DSCAM: variants seen among roughly 807,000 people sequenced by gnomAD.
The protein encoded by DSCAM is cell adhesion molecule DSCAM.
DSCAM carries 47 observed loss-of-function variants against 217.7 expected under a neutral mutation model. The ratio of observed to expected loss-of-function variants is 0.22; its 90% CI spans 0.17 to 0.28. DSCAM has a LOEUF of 0.28. Among genes scored for constraint, DSCAM ranks in the 10% least tolerant of loss-of-function variants. The pLI is 1.00. For synonymous variants in DSCAM, 1,056 were observed against 1,015.3 expected (o/e 1.04, Z -0.76); for missense variants, 2,080 against 2,618.3 (o/e 0.79, Z 4.49).
chr21:40,138,321 A>G (rs1229363487), intron 18 of DSCAM, among the ~76,000 whole-genome samples: 5 of 135,134 alleles, frequency 3.7e-5, no homozygotes, highest in Admixed American at 3.0e-4. Flanking sequence ...TGTATGGTGT[A>G]TGTGTGTGCT....
chr21:40,207,972 C>G (rs2091144374), intron 11 of DSCAM, among the ~76,000 whole-genome samples: 1 of 152,176 alleles, frequency 6.6e-6, no homozygotes, highest in African/African-American at 2.4e-5. Context: ...ACCTTAATCA[C>G]CTCTTTAAGC....
intron 1 of DSCAM, among the ~76,000 whole-genome samples, chr21:40,748,343 CA>C (rs35073664): frequency 2.8e-4 from 42 of 148,660 alleles, no homozygotes; most frequent in African/African-American, 6.9e-4. Context: ...AAGACTCCAT[CA>C]AAAAAAAAAT....
At chr21:40,481,956 G>C (rs962476141) in intron 3 of DSCAM, among the ~76,000 whole-genome samples, 1 of 152,204 alleles carries the variant, frequency 6.6e-6, no homozygotes. Flanking sequence ...AGTGGATCCT[G>C]TCACCCATAG....
intron 9 of DSCAM, among the ~76,000 whole-genome samples, chr21:40,303,815 G>C (rs1301990985): frequency 2.0e-5 from 3 of 152,108 alleles, no homozygotes; most frequent in African/African-American, 7.2e-5. Context: ...TTTAGCCAAT[G>C]TGCTTGTTTC....
rs1341551214 is a variant in DSCAM, at chr21:40,147,608, G to T, written c.3019-2877C>A. On this transcript the variant is annotated intron_variant, in intron 16 of 32. Coordinates refer to ENST00000400454, the MANE Select transcript of DSCAM (RefSeq NM_001389.5). ...TATCTCATTTTGTTTTATAATAAAA[G>T]TAAACAACCACCATTTCTATCCAAT... Among the ~76,000 whole-genome samples, 4 of 152,120 alleles carry T rather than the reference G, an allele frequency of 2.6e-5. No homozygotes were observed. The East Asian group carries it at 7.7e-4, about 29-fold the overall frequency.
chr21:40,637,627 A>C (rs1188383876), intron 3 of DSCAM, among the ~76,000 whole-genome samples: 1 of 36,636 alleles, frequency 2.7e-5, no homozygotes, highest in African/African-American at 1.2e-4. Flanking sequence ...ATATATACAT[A>C]TATAAATATA....
intron 16 of DSCAM, among the ~76,000 whole-genome samples, chr21:40,154,107 C>T (rs891648217): frequency 9.2e-5 from 14 of 151,956 alleles, no homozygotes; most frequent in Non-Finnish European, 2.1e-4. Context: ...TATGTCAGGT[C>T]GAGGAGACCT....
chr21:40,773,526 C>T (rs1035563299), intron 1 of DSCAM, among the ~76,000 whole-genome samples: 1 of 152,310 alleles, frequency 6.6e-6, no homozygotes, highest in South Asian at 2.1e-4. Flanking sequence ...AACTTAATTA[C>T]ATCTGCAAAT....
chr21:40,593,691 T>C (rs1224398568), intron 3 of DSCAM, among the ~76,000 whole-genome samples: 2 of 152,216 alleles, frequency 1.3e-5, no homozygotes, highest in Non-Finnish European at 2.9e-5. Context: ...TCTGAAAGCA[T>C]CATGTATCAT....
intron 9 of DSCAM, among the ~76,000 whole-genome samples, chr21:40,298,897 A>G (rs1399857672): frequency 6.6e-6 from 1 of 152,202 alleles, no homozygotes; most frequent in Non-Finnish European, 1.5e-5. Context: ...AAATCTCATC[A>G]AAGAAGTGTA....
intron 11 of DSCAM, among the ~76,000 whole-genome samples, chr21:40,227,517 GT>G (rs1321217698): frequency 6.6e-6 from 1 of 152,176 alleles, no homozygotes; most frequent in Non-Finnish European, 1.5e-5. Context: ...GCTGTCTCAA[GT>G]TCTTCCCATG....
chr21:40,334,182 C>A (rs1009385520), intron 8 of DSCAM, among the ~76,000 whole-genome samples: 2 of 152,152 alleles, frequency 1.3e-5, no homozygotes. Context: ...TGAACATCAT[C>A]TATTCACTGA....
intron 20 of DSCAM, among the ~76,000 whole-genome samples, chr21:40,097,999 A>AAAG (rs2089704165): frequency 2.9e-5 from 4 of 139,660 alleles, no homozygotes. Flanking sequence ...AGAAAGAAAG[A>AAAG]AAGAAAGAAA....
chr21:40,249,226 C>A (rs190616130), intron 11 of DSCAM, among the ~76,000 whole-genome samples: 141 of 152,250 alleles, frequency 9.3e-4, no homozygotes, highest in African/African-American at 3.2e-3. Flanking sequence ...TGTGTTCCCA[C>A]CCAAATCTCA....
intron 6 of DSCAM, among the ~76,000 whole-genome samples, chr21:40,344,227 C>T (rs769348554): frequency 3.0e-4 from 46 of 152,246 alleles, no homozygotes; most frequent in Non-Finnish European, 3.7e-4. Context: ...ATGTTATAAT[C>T]ATCAATTGTT....
rs1448150603 is a variant in DSCAM at position 40,144,468 on chromosome 21, G to T, written c.3259+23C>A. ...GAACCTTTGCGGAGGGAAAAGCCAC[G>T]ACCAGGCCCCGGCCGAACCTACCAT... On this transcript the variant is annotated intron_variant, in intron 17 of 32. Transcript: ENST00000400454. This position sits in a 1 kb window ranked among gnomAD's most constrained non-coding sequence, Gnocchi z 4.8. 1.2e-6 allele frequency: 2 copies of T among 1,611,624 alleles called. No individual in the cohort carries two copies. Among genetic ancestry groups the T allele is most frequent in the South Asian group, 2.2e-5 (2 of 90,884 alleles).
chr21:40,262,535 A>G (rs1454855037), intron 11 of DSCAM, among the ~76,000 whole-genome samples: 3 of 152,130 alleles, frequency 2.0e-5, no homozygotes, highest in African/African-American at 7.2e-5. Flanking sequence ...AATTACTCCC[A>G]CTTTCTGGCA....
chr21:40,433,418 A>G (rs1433377751), intron 3 of DSCAM, among the ~76,000 whole-genome samples: 1 of 150,974 alleles, frequency 6.6e-6, no homozygotes, highest in East Asian at 1.9e-4. Flanking sequence ...CACAGAAAGC[A>G]TAACATCTGC....
intron 3 of DSCAM, among the ~76,000 whole-genome samples, chr21:40,426,140 C>G (rs1260737965): frequency 1.3e-5 from 2 of 152,224 alleles, no homozygotes; most frequent in African/African-American, 4.8e-5. Flanking sequence ...CGACTCTGGA[C>G]TGTATCCAGC....
Sources: gnomAD v4.1 joint callset for allele counts (sites outside exome capture counted in the v4.1 genomes callset) on GRCh38, gnomAD v4.1.1 for gene constraint, Gnocchi (gnomAD v3.1) non-coding constraint, MANE v1.5 for transcripts, NCBI Gene and HGNC (gene_info 2026-07-23, HGNC 2026-07-21) for gene names.